ACSM3: variants seen among roughly 807,000 people sequenced by gnomAD.
The protein encoded by ACSM3 is acyl-coenzyme A synthetase ACSM3, mitochondrial.
A neutral mutation model predicts 74.1 loss-of-function variants in ACSM3; 61 were observed. That is an observed-to-expected ratio of 0.82 (90% CI 0.67 to 1.02). The LOEUF (loss-of-function observed/expected upper bound fraction) is 1.02. Among genes scored for constraint, ACSM3 ranks in the 50% least tolerant of loss-of-function variants. The pLI is 0.00. For missense variants in ACSM3, 660 were observed against 697.0 expected, an observed-to-expected ratio of 0.95 and a Z score of 0.60; for synonymous variants, 213 against 241.5, an observed-to-expected ratio of 0.88 and a Z score of 1.09.
chr16:20,773,057 C>G (rs1248542699), intron 2 of ACSM3, among the ~76,000 whole-genome samples: 4 of 150,966 alleles, frequency 2.6e-5, no homozygotes, highest in African/African-American at 9.7e-5. Context: ...ATTACTGATT[C>G]AATCTCATTA....
intron 1 of ACSM3, chr16:20,691,364 C>T (rs1221741085): frequency 5.7e-6 from 3 of 530,788 alleles, no homozygotes; most frequent in East Asian, 6.9e-5. Flanking sequence ...TGGAAGGCAC[C>T]CCTGATTGAT....
chr16:20,688,046 C>T (rs550030487), intron 1 of ACSM3, among the ~76,000 whole-genome samples: 2 of 151,230 alleles, frequency 1.3e-5, no homozygotes, highest in South Asian at 4.2e-4. Flanking sequence ...GATCGTGCCA[C>T]TGCGCTCCAG....
At chr16:20,769,168 T>C (rs1273051397) in intron 1 of ACSM3, among the ~76,000 whole-genome samples, 1 of 152,206 alleles carries the variant, frequency 6.6e-6, no homozygotes, top group African/African-American at 2.4e-5. Context: ...ATATATTGCA[T>C]TGTAGGAAAT....
At position 20,776,892 on chromosome 16, in the gene ACSM3, GA is replaced by G. The variant is rs1439001423; in HGVS notation, c.431-480del. ...CATAAAGCAATCATGTACATTTTAA[GA>G]GGCACTCAGCTGATGTGGTGAAGTG... On this transcript the variant is annotated intron_variant, in intron 3 of 13. Coordinates refer to ENST00000289416, the MANE Select transcript of ACSM3 (RefSeq NM_005622.4). Among the ~76,000 whole-genome samples the G allele has an allele frequency of 3.9e-5, 6 of 152,346 alleles. No individual in the cohort carries two copies. The East Asian group carries it at 1.2e-3, about 29-fold the overall frequency.
chr16:20,789,681 TTTC>T, intron 9 of ACSM3: 2 of 636,042 alleles, frequency 3.1e-6, no homozygotes, highest in East Asian at 2.8e-5. Flanking sequence ...CAACTCTATT[TTTC>T]TTTTTTTTTT....
At chr16:20,753,884 G>A (rs74011857) in intron 2 of ACSM3, among the ~76,000 whole-genome samples, 2 of 142,088 alleles carry the variant, frequency 1.4e-5, no homozygotes, top group Non-Finnish European at 3.0e-5. Flanking sequence ...AAGAGAGAGA[G>A]AGAAAGAAAG....
At chr16:20,692,286 T>C (rs976166128) in intron 1 of ACSM3, among the ~76,000 whole-genome samples, 1 of 152,222 alleles carries the variant, frequency 6.6e-6, no homozygotes, top group South Asian at 2.1e-4. Context: ...CTTGGTTTTA[T>C]ATACTTTAGG....
intron 1 of ACSM3, chr16:20,737,998 T>A (rs1226010290): frequency 1.9e-6 from 3 of 1,543,922 alleles, no homozygotes; most frequent in South Asian, 2.5e-5. Flanking sequence ...TTCTCAGACA[T>A]CTTAAAGATC....
intron 1 of ACSM3, chr16:20,735,595 T>A (rs951845437): frequency 1.3e-5 from 2 of 151,966 alleles, no homozygotes; most frequent in African/African-American, 4.8e-5. Context: ...ACCAGGAGTG[T>A]AGATACCAGA....
chr16:20,695,527 T>C (rs2079684749), intron 1 of ACSM3, among the ~76,000 whole-genome samples: 2 of 152,164 alleles, frequency 1.3e-5, no homozygotes, highest in East Asian at 1.9e-4. Flanking sequence ...AGGACTGGTA[T>C]ATGTCCAGCT....
intron 1 of ACSM3, among the ~76,000 whole-genome samples, chr16:20,685,735 G>T (rs2079536173): frequency 6.7e-6 from 1 of 148,730 alleles, no homozygotes; most frequent in Non-Finnish European, 1.5e-5. Flanking sequence ...TAGGAGAATT[G>T]CTTGAACCCA....
intron 1 of ACSM3, among the ~76,000 whole-genome samples, chr16:20,739,520 C>T (rs1465020571): frequency 1.3e-5 from 2 of 152,018 alleles, no homozygotes; most frequent in Non-Finnish European, 2.9e-5. Context: ...GACACCACAC[C>T]CTTCAAAACG....
chr16:20,745,874 T>A (rs1238506834), intron 1 of ACSM3, among the ~76,000 whole-genome samples: 1 of 152,176 alleles, frequency 6.6e-6, no homozygotes, highest in African/African-American at 2.4e-5. Context: ...GTTCTGACCT[T>A]GCTCCCCATC....
intron 1 of ACSM3, chr16:20,682,483 T>A (rs775791749): frequency 1.9e-6 from 3 of 1,602,170 alleles, no homozygotes; most frequent in Non-Finnish European, 1.7e-6. Flanking sequence ...AGAAAGGAAC[T>A]GATTGTTTTG....
intron 1 of ACSM3, among the ~76,000 whole-genome samples, chr16:20,744,315 T>C (rs1440415615): frequency 6.6e-6 from 1 of 152,336 alleles, no homozygotes; most frequent in East Asian, 1.9e-4. Context: ...TTGTAACAAG[T>C]AGCCAAATCT....
At chr16:20,705,053 A>G (rs1166337493) in intron 1 of ACSM3, among the ~76,000 whole-genome samples, 1 of 152,204 alleles carries the variant, frequency 6.6e-6, no homozygotes. Context: ...ATAGGTACCA[A>G]CTATAAGCCC....
Position 20,780,825 on chromosome 16 carries a change from C to T in ACSM3, c.750C>T (p.Ser250=), listed in dbSNP as rs746186908. 3.1e-6 allele frequency: 5 copies of T among 1,614,096 alleles called. No homozygotes were observed. The highest frequency in any genetic ancestry group is 4.2e-6 in the Non-Finnish European group (5 of 1,180,054). The change falls in exon 5 of 14, where the codon AGC becomes AGT. Residue 250 remains serine (S), a synonymous_variant. Transcript: ENST00000289416. ...GYPKMTAHTH[S]SFGLGLSVNG... ...CGAAAATGACTGCACACACCCACAG[C>T]AGTTTTGGTTTAGGATTATCTGTAA...
intron 1 of ACSM3, among the ~76,000 whole-genome samples, chr16:20,694,622 A>C (rs902347042): frequency 6.6e-6 from 1 of 152,192 alleles, no homozygotes; most frequent in Non-Finnish European, 1.5e-5. Flanking sequence ...AAGACAGTCC[A>C]AACAACCCCT....
At chr16:20,743,140 G>A (rs2079942944) in intron 1 of ACSM3, among the ~76,000 whole-genome samples, 4 of 151,750 alleles carry the variant, frequency 2.6e-5, no homozygotes, top group South Asian at 2.1e-4. Context: ...GGGTTTTACC[G>A]TGTCAGTCAG....
Sources: gnomAD v4.1 joint callset for allele counts (sites outside exome capture counted in the v4.1 genomes callset) on GRCh38, gnomAD v4.1.1 for gene constraint, MANE v1.5 for transcripts, NCBI Gene and HGNC (gene_info 2026-07-23, HGNC 2026-07-21) for gene names.